The following NLRP8 variants were observed in gnomAD, a reference collection of about 807,000 sequenced individuals.
NLRP8 encodes NLR family pyrin domain containing 8, also known as NACHT, LRR and PYD domains-containing protein 8.
A neutral mutation model predicts 88.7 loss-of-function variants in NLRP8; 86 were observed. The ratio of observed to expected loss-of-function variants is 0.97; its 90% confidence interval spans 0.81 to 1.16. NLRP8 has a LOEUF of 1.16. Among genes scored for constraint, NLRP8 ranks in the 50% most tolerant of loss-of-function variants. The pLI is 0.00. For synonymous variants in NLRP8, 504 were observed against 494.6 expected (o/e 1.02, Z -0.25); for missense variants, 1,342 against 1,286.5 (o/e 1.04, Z -0.66).
intron 4 of NLRP8, among the ~76,000 whole-genome samples, chr19:55,964,919 TAGAA>T (rs1469878708): frequency 1.3e-5 from 2 of 152,034 alleles, no homozygotes; most frequent in African/African-American, 4.8e-5. Context: ...AACAACTAAT[TAGAA>T]AGAAAGAGAT....
rs767885190 is a variant in NLRP8, at chr19:55,947,949, C to T, written c.47C>T (p.Ser16Phe). 6.2e-7 allele frequency: 1 copy of T among 1,613,950 alleles called. No homozygotes were observed. Among genetic ancestry groups the T allele is most frequent in the Non-Finnish European group, 8.5e-7 (1 of 1,179,900 alleles). Residue 16 changes from serine (S) to phenylalanine (F), a missense_variant, in exon 1 of 10, where the codon TCC becomes TTC. By Grantham distance (155) the Ser-to-Phe change is radical. Transcript: ENST00000291971. Reference sequence around the variant, plus strand: ...TCTGACACCCCCATTCCCTTTTCATCCTCCTCCACTCACAGTTCTCATATT... The same window carrying T: ...TCTGACACCCCCATTCCCTTTTCATTCTCCTCCACTCACAGTTCTCATATT...
At chr19:55,984,978 T>C (rs1010426796) in intron 9 of NLRP8, among the ~76,000 whole-genome samples, 1 of 151,956 alleles carries the variant, frequency 6.6e-6, no homozygotes, top group Non-Finnish European at 1.5e-5. Context: ...CAAAGTACTC[T>C]AGTGGAAATT....
intron 1 of NLRP8, among the ~76,000 whole-genome samples, chr19:55,949,769 A>G: frequency 6.6e-6 from 1 of 152,226 alleles, no homozygotes; most frequent in Non-Finnish European, 1.5e-5. Context: ...TCAGCTCCAC[A>G]GTTTTAAACA....
intron 3 of NLRP8, among the ~76,000 whole-genome samples, chr19:55,961,438 C>T (rs1253449453): frequency 1.3e-5 from 2 of 152,046 alleles, no homozygotes; most frequent in Non-Finnish European, 2.9e-5. Flanking sequence ...ATTATATATA[C>T]ACAGGGTAAG....
Position 55,954,863 on chromosome 19 carries a change from G to C in NLRP8, c.805G>C (p.Asp269His). Residue 269 changes from aspartate to histidine, a missense_variant, in exon 3 of 10, where the codon GAC (aspartate) becomes CAC (histidine). Physicochemically the swap from Asp to His is moderately conservative, Grantham distance 81. Transcript: ENST00000291971. ...TGAGCAAAAGTGGCCTGGATCTCAG[G>C]ACCTCGTGTCAAAGATTATGTCCAA... 1.2e-6 allele frequency: 2 copies of C among 1,614,146 alleles called. No individual in the cohort carries two copies. Among genetic ancestry groups the C allele is most frequent in the Non-Finnish European group, 1.7e-6 (2 of 1,180,028 alleles).
intron 1 of NLRP8, among the ~76,000 whole-genome samples, chr19:55,951,144 T>G (rs183652549): frequency 2.8e-4 from 42 of 152,236 alleles, no homozygotes; most frequent in Admixed American, 5.2e-4. Flanking sequence ...TGCCTTTCCA[T>G]GTTCCTCAGG....
chr19:55,975,992 A>G, intron 7 of NLRP8, 141 bp from the exon 8 acceptor site: 1 of 850,838 alleles, frequency 1.2e-6, no homozygotes, highest in African/African-American at 1.7e-5. Flanking sequence ...GCAAAAACAA[A>G]AAACAAACAA....
At chr19:55,959,006 G>A (rs762723076) in intron 3 of NLRP8, among the ~76,000 whole-genome samples, 10 of 151,784 alleles carry the variant, frequency 6.6e-5, no homozygotes, top group Non-Finnish European at 1.3e-4. Flanking sequence ...AGCCTCCCGA[G>A]TAGCTGGGAC....
rs1348809681 is a variant in NLRP8, at chr19:55,987,920, C to T, written c.*7C>T. On this transcript the variant is annotated 3_prime_UTR_variant, in exon 10 of 10. Coordinates refer to ENST00000291971, the MANE Select transcript of NLRP8 (RefSeq NM_176811.2). ...ATCCCAGATTAATCCTTAGGCCGTC[C>T]AGTCATCTTTCTCTGGGGCTTGATT... 1.3e-6 allele frequency: 2 copies of T among 1,597,870 alleles called. No individual in the cohort carries two copies. The highest frequency in any genetic ancestry group is 1.3e-5 in the African/African-American group (1 of 74,496).
intron 9 of NLRP8, among the ~76,000 whole-genome samples, chr19:55,980,297 A>G (rs909527121): frequency 4.6e-5 from 7 of 152,224 alleles, no homozygotes; most frequent in Admixed American, 3.9e-4. Flanking sequence ...CACTTAACAC[A>G]GTGCCTAACA....
intron 9 of NLRP8, among the ~76,000 whole-genome samples, chr19:55,986,864 G>A (rs915206405): frequency 2.0e-5 from 3 of 152,248 alleles, no homozygotes; most frequent in Non-Finnish European, 4.4e-5. Context: ...TCCCGCTTTT[G>A]TTCTCCACTG....
In NLRP8 at chr19:55,954,768, G is replaced by C; in HGVS notation, c.710G>C (p.Arg237Pro). The change falls in exon 3 of 10, where the codon CGC becomes CCC. Residue 237 changes from arginine (R) to proline (P), a missense_variant. By Grantham distance (103) the Arg-to-Pro change is moderately radical. Coordinates refer to ENST00000291971, the MANE Select transcript of NLRP8 (RefSeq NM_176811.2). ...AGAAACAAGTTCTACGCCCACAAGC[G>C]CTGGTGTGCTTTCTACTTCCATTGC... 1 of 1,614,184 alleles carries C rather than the reference G, an allele frequency of 6.2e-7. No individual in the cohort carries two copies. Among genetic ancestry groups the C allele is most frequent in the Non-Finnish European group, 8.5e-7 (1 of 1,180,046 alleles).
At chr19:55,970,822 T>C in intron 6 of NLRP8, 126 bp downstream of exon 6, 1 of 1,223,170 alleles carries the variant, frequency 8.2e-7, no homozygotes, top group Admixed American at 2.2e-5. Context: ...ATAAGTCTTG[T>C]GATTGATGTA....
intron 3 of NLRP8, among the ~76,000 whole-genome samples, chr19:55,957,158 GTGA>G (rs1338809849): frequency 6.6e-6 from 1 of 152,152 alleles, no homozygotes; most frequent in African/African-American, 2.4e-5. Flanking sequence ...GGAACTTAAC[GTGA>G]TGATGAAGAC....
At position 55,984,425 on chromosome 19, in the gene NLRP8, CG is replaced by C. The variant is rs577104497; in HGVS notation, c.3048-3383del. On this transcript the variant is annotated intron_variant, in intron 9 of 9. Coordinates refer to ENST00000291971, the MANE Select transcript of NLRP8 (RefSeq NM_176811.2). ...ATCACAGCACTTTGGGAGGCCGAAGCGGGGGGATCACCTGAGGTCAGGAATT... is the reference window on the plus strand; with the variant it reads ...ATCACAGCACTTTGGGAGGCCGAAGCGGGGGATCACCTGAGGTCAGGAATT... 1.1e-3 allele frequency among the ~76,000 whole-genome samples: 153 copies of C among 142,612 alleles called. 2 individuals carry two copies. The highest frequency in any genetic ancestry group is 2.0e-3 in the Non-Finnish European group (132 of 66,634). The allele number at this position is 142,612 out of a possible 152,430, so 93.6% of individuals were successfully genotyped here.
intron 9 of NLRP8, among the ~76,000 whole-genome samples, chr19:55,986,626 G>C (rs1170030213): frequency 1.3e-5 from 2 of 152,228 alleles, no homozygotes; most frequent in Admixed American, 6.5e-5. Flanking sequence ...GTGCACACAG[G>C]TGCAGAAAAG....
chr19:55,962,211 C>T lies in NLRP8; in HGVS notation c.2187C>T (p.His729=). Reference sequence around the variant, plus strand: ...AGGCTCTCGCGGCCGCACTGAGGCACCCTCAGTGCAAACTGCAAAAGCTAC... The same window carrying T: ...AGGCTCTCGCGGCCGCACTGAGGCATCCTCAGTGCAAACTGCAAAAGCTAC... Residue 729 remains histidine (H), a synonymous_variant, in exon 4 of 10, where the codon CAC becomes CAT. Coordinates refer to ENST00000291971, the MANE Select transcript of NLRP8 (RefSeq NM_176811.2). 6.2e-7 allele frequency: 1 copy of T among 1,613,806 alleles called. No homozygotes were observed. Among genetic ancestry groups the T allele is most frequent in the Non-Finnish European group, 8.5e-7 (1 of 1,179,912 alleles).
intron 6 of NLRP8, among the ~76,000 whole-genome samples, chr19:55,973,059 G>C (rs111530508): frequency 6.6e-6 from 1 of 152,096 alleles, no homozygotes; most frequent in African/African-American, 2.4e-5. Flanking sequence ...CACAGTGGCT[G>C]TACTAGTTTA....
chr19:55,978,110 G>A (rs994722880), intron 8 of NLRP8, among the ~76,000 whole-genome samples: 1 of 152,068 alleles, frequency 6.6e-6, no homozygotes, highest in African/African-American at 2.4e-5. Context: ...TATGTTTCCA[G>A]TATACCTGTG....
Sources: allele counts gnomAD v4.1 joint callset (sites outside exome capture counted in the v4.1 genomes callset), GRCh38; gene constraint gnomAD v4.1.1; transcripts MANE v1.5; gene names NCBI Gene and HGNC (gene_info 2026-07-23, HGNC 2026-07-21).